The following MARCO variants were observed in gnomAD, a reference collection of about 807,000 sequenced individuals.
MARCO encodes the protein macrophage receptor MARCO.
A neutral mutation model predicts 70.0 loss-of-function variants in MARCO; 72 were observed. The ratio of observed to expected loss-of-function variants is 1.03; its 90% confidence interval spans 0.85 to 1.25. The LOEUF is 1.25. Ranked by LOEUF, MARCO falls within the 50% of genes most tolerant of loss-of-function variation. MARCO has a pLI of 0.00. For missense variants in MARCO, 696 were observed against 659.3 expected, an observed-to-expected ratio of 1.06 and a Z score of -0.61; for synonymous variants, 273 against 243.1, an observed-to-expected ratio of 1.12 and a Z score of -1.14.
intron 4 of MARCO, 59 bp from the exon 5 acceptor site, chr2:118,974,274 T>C: frequency 1.0e-6 from 1 of 971,626 alleles, no homozygotes; most frequent in Non-Finnish European, 1.6e-6. Flanking sequence ...AGTGATTGCA[T>C]GGCGTTGTTG....
At chr2:118,984,783 C>T (rs1282645587) in intron 12 of MARCO, among the ~76,000 whole-genome samples, 1 of 152,218 alleles carries the variant, frequency 6.6e-6, no homozygotes, top group Non-Finnish European at 1.5e-5. Context: ...CATCATGGAG[C>T]ACAGTGTATA....
In MARCO at chr2:118,990,571, T is replaced by C; in HGVS notation, c.1064-18T>C. The C allele has an allele frequency of 9.7e-7, 1 of 1,034,020 alleles. No homozygotes were observed. Among genetic ancestry groups the C allele is most frequent in the Non-Finnish European group, 1.5e-6 (1 of 674,988 alleles). The allele number at this position is 1,034,020 out of a possible 1,614,324, so 64.1% of individuals were successfully genotyped here. A position where few individuals can be genotyped will look rare whatever the true frequency, so the allele number is the denominator to read the frequency against. On this transcript the variant is annotated intron_variant, in intron 12 of 16. Transcript: ENST00000327097. Reference sequence around the variant, plus strand: ...TTTTATTATCTCCTCCCCCCCCCCTTTTTTGTTTTGATCTTAGGACTTCAA... The same window carrying C: ...TTTTATTATCTCCTCCCCCCCCCCTCTTTTGTTTTGATCTTAGGACTTCAA...
chr2:118,986,321 G>T (rs561833704), intron 12 of MARCO, among the ~76,000 whole-genome samples: 3 of 150,912 alleles, frequency 2.0e-5, no homozygotes, highest in South Asian at 2.1e-4. Flanking sequence ...TTCCCCAGAC[G>T]GGGCAAGACA....
At chr2:118,964,685 C>T (rs1680010571) in intron 1 of MARCO, among the ~76,000 whole-genome samples, 1 of 151,900 alleles carries the variant, frequency 6.6e-6, no homozygotes, top group African/African-American at 2.4e-5. Flanking sequence ...GTCAGGAATT[C>T]AAGACCAGCC....
chr2:118,992,652 C>T (rs1010222676), intron 15 of MARCO, among the ~76,000 whole-genome samples, 176 bp downstream of exon 15: 2 of 151,822 alleles, frequency 1.3e-5, no homozygotes, highest in Non-Finnish European at 2.9e-5. Flanking sequence ...CAGTTTCTCT[C>T]CCCAGCCACT....
rs1428491218 is a variant in MARCO, at chr2:118,994,533, T to C, written c.*13T>C. On this transcript the variant is annotated 3_prime_UTR_variant, in exon 17 of 17. Transcript: ENST00000327097. ...GTGCAGCGTCTGACCCGGAAACCCTTTCACTTCTCTGCTCCCGAGGTGTCC... is the reference window on the plus strand; with the variant it reads ...GTGCAGCGTCTGACCCGGAAACCCTCTCACTTCTCTGCTCCCGAGGTGTCC... The C allele has an allele frequency of 1.9e-6, 3 of 1,564,764 alleles. No individual in the cohort carries two copies. Among genetic ancestry groups the C allele is most frequent in the East Asian group, 4.5e-5 (2 of 44,240 alleles).
At chr2:118,944,392 T>C (rs1272442829) in intron 1 of MARCO, among the ~76,000 whole-genome samples, 1 of 152,302 alleles carries the variant, frequency 6.6e-6, no homozygotes, top group East Asian at 1.9e-4. Flanking sequence ...ATGCAGGTAA[T>C]CACTGTGAGG....
At chr2:118,986,591 A>T (rs1298854972) in intron 12 of MARCO, among the ~76,000 whole-genome samples, 1 of 6,826 alleles carries the variant, frequency 1.5e-4, no homozygotes, top group Non-Finnish European at 3.0e-4. Flanking sequence ...GGAAAGAAGA[A>T]AGAAAGAAAG....
chr2:118,975,979 G>A (rs1680275024), intron 6 of MARCO, among the ~76,000 whole-genome samples: 1 of 152,222 alleles, frequency 6.6e-6, no homozygotes, highest in South Asian at 2.1e-4. Context: ...TCAGAGGGGA[G>A]TGGGTCTCCC....
intron 13 of MARCO, 132 bp downstream of exon 13, chr2:118,990,765 CT>C: frequency 1.2e-6 from 1 of 824,248 alleles, no homozygotes; most frequent in Non-Finnish European, 2.0e-6. Context: ...GACTCCAGGG[CT>C]CTGTCACTCA....
chr2:118,990,098 C>G (rs190634331), intron 12 of MARCO, among the ~76,000 whole-genome samples: 1 of 152,290 alleles, frequency 6.6e-6, no homozygotes. Flanking sequence ...CCACATGAAT[C>G]TTTAGCCACT....
intron 3 of MARCO, among the ~76,000 whole-genome samples, chr2:118,971,032 C>T (rs1680158346): frequency 6.6e-6 from 1 of 152,186 alleles, no homozygotes; most frequent in East Asian, 1.9e-4. Context: ...GCCAATCCCT[C>T]CAGAGGCTGT....
chr2:118,948,509 C>A (rs980423321), intron 1 of MARCO, among the ~76,000 whole-genome samples: 3 of 152,192 alleles, frequency 2.0e-5, no homozygotes, highest in African/African-American at 7.2e-5. Context: ...TAGGCTAGGG[C>A]TTAACAAAGA....
At chr2:118,994,130 T>C (rs902196811) in intron 16 of MARCO, among the ~76,000 whole-genome samples, 1 of 152,118 alleles carries the variant, frequency 6.6e-6, no homozygotes, top group Non-Finnish European at 1.5e-5. Flanking sequence ...GTTTAAGCAT[T>C]AAAGATTTGC....
rs138486266 is a variant in MARCO, at chr2:118,951,996, C to T, written c.97+9599C>T. ...CTCTCTCCTCTCTGCTGGTCTTTCC[C>T]TGCCTCTGCCAGCCACTTATGTTGC... On this transcript the variant is annotated intron_variant, in intron 1 of 16. Transcript: ENST00000327097. 3.7e-3 allele frequency among the ~76,000 whole-genome samples: 559 copies of T among 152,240 alleles called. 12 individuals carry two copies. The highest frequency in any genetic ancestry group is 0.032 in the Admixed American group (483 of 15,288).
chr2:118,981,709 A>C, intron 10 of MARCO, 53 bp downstream of exon 10: 1 of 1,539,458 alleles, frequency 6.5e-7, no homozygotes, highest in Non-Finnish European at 8.9e-7. Flanking sequence ...TCCCTGGCAG[A>C]GTGAAGCTGG....
chr2:118,994,242 T>A, intron 16 of MARCO, 145 bp from the exon 17 acceptor site: 1 of 815,764 alleles, frequency 1.2e-6, no homozygotes, highest in Admixed American at 2.2e-5. Flanking sequence ...AAGCCAGCCA[T>A]CAGCACATTG....
In MARCO at chr2:118,991,830, G is replaced by A; in HGVS notation, c.1162G>A (p.Gly388Arg). The change falls in exon 14 of 17, where the codon GGA (glycine) becomes AGA (arginine). Residue 388 changes from glycine to arginine, a missense_variant. Transcript: ENST00000327097. ...GAGCCCAGGGCTGGCAGGTCCCAAG[G>A]GAGCCCCTGGACAAGCTGGCCAGAA... is the stretch of plus-strand genomic sequence containing the variant. Reference protein sequence around the residue: ...QGSPGLAGPKGAPGQAGQKGD... With the variant: ...QGSPGLAGPKRAPGQAGQKGD... 6.2e-7 allele frequency: 1 copy of A among 1,601,268 alleles called. No homozygotes were observed. The highest frequency in any genetic ancestry group is 1.3e-5 in the African/African-American group (1 of 74,882).
chr2:118,972,286 T>G (rs34203366), intron 4 of MARCO, among the ~76,000 whole-genome samples: 1 of 152,192 alleles, frequency 6.6e-6, no homozygotes, highest in East Asian at 1.9e-4. Context: ...CCATTTCATC[T>G]GCTGAGTGGT....
Sources: gnomAD v4.1 joint callset for allele counts (sites outside exome capture counted in the v4.1 genomes callset) on GRCh38, gnomAD v4.1.1 for gene constraint, MANE v1.5 for transcripts, NCBI Gene and HGNC (gene_info 2026-07-23, HGNC 2026-07-21) for gene names.